SETD5: variants seen among roughly 807,000 people sequenced by gnomAD.
SETD5 encodes the protein SET domain containing 5.
A neutral mutation model predicts 153.3 loss-of-function variants in SETD5; 44 were observed. The ratio of observed to expected loss-of-function variants is 0.29; its 90% CI spans 0.23 to 0.37. SETD5 has a LOEUF of 0.37. Ranked by LOEUF, SETD5 falls within the 10% of genes least tolerant of loss-of-function variation. The probability of loss-of-function intolerance (pLI) is 1.00; values close to 1 mark genes in which losing one functional copy is unlikely to be tolerated. For missense variants in SETD5, 1,544 were observed against 1,768.0 expected, an observed-to-expected ratio of 0.87 and a Z score of 2.27; for synonymous variants, 716 against 645.2, an observed-to-expected ratio of 1.11 and a Z score of -1.66.
At chr3:9,450,126 T>C (rs1017545364) in intron 16 of SETD5, among the ~76,000 whole-genome samples, 2 of 152,238 alleles carry the variant, frequency 1.3e-5, no homozygotes, top group Non-Finnish European at 1.5e-5. Flanking sequence ...TCTAGGACTG[T>C]AACTTCAGAT....
chr3:9,475,994 C>T lies in SETD5; in HGVS notation c.4232C>T (p.Ser1411Leu). 1 of 1,614,024 alleles carries T rather than the reference C, an allele frequency of 6.2e-7. No homozygotes were observed. Among genetic ancestry groups the T allele is most frequent in the South Asian group, 1.1e-5 (1 of 91,086 alleles). Residue 1411 changes from serine to leucine, a missense_variant, in exon 23 of 23, where the codon TCA becomes TTA. Transcript: ENST00000402198. ...QASRVSAVSN[S>L]QHYPHRGSGG... Reference sequence around the variant, plus strand: ...TCCAGGGTATCTGCGGTTTCCAATTCACAGCACTACCCACACCGTGGGAGT... The same window carrying T: ...TCCAGGGTATCTGCGGTTTCCAATTTACAGCACTACCCACACCGTGGGAGT...
chr3:9,448,042 G>T (rs1391594190), intron 15 of SETD5, 36 bp downstream of exon 15: 2 of 1,577,758 alleles, frequency 1.3e-6, no homozygotes, highest in Non-Finnish European at 1.7e-6. Context: ...AGTCCAGTCT[G>T]GCAAGGGCTG....
At position 9,475,966 on chromosome 3, in the gene SETD5, G is replaced by A. The variant is rs761930777; in HGVS notation, c.4204G>A (p.Ala1402Thr). The A allele has an allele frequency of 1.4e-5, 22 of 1,613,866 alleles. No homozygotes were observed. The highest frequency in any genetic ancestry group is 1.9e-5 in the Non-Finnish European group (22 of 1,179,896). ...TGCTGGGCAGTCAGCTGTCTACCAG[G>A]CCTCCAGGGTATCTGCGGTTTCCAA... ...PSAGQSAVYQASRVSAVSNSQ... is the reference protein window; with the variant it reads ...PSAGQSAVYQTSRVSAVSNSQ... Residue 1402 changes from alanine to threonine, a missense_variant, in exon 23 of 23, where the codon GCC becomes ACC. Ala to Thr is a moderately conservative substitution (Grantham distance 58). Coordinates refer to ENST00000402198, the MANE Select transcript of SETD5 (RefSeq NM_001080517.3).
At position 9,475,903 on chromosome 3, in the gene SETD5, T is replaced by C. The variant is rs2045808713; in HGVS notation, c.4141T>C (p.Ser1381Pro). Residue 1381 changes from serine (S) to proline (P), a missense_variant, in exon 23 of 23, where the codon TCA (serine) becomes CCA (proline). Around this residue, in one of 9 missense-constraint regions of SETD5, gnomAD observed 302 missense variants for 277.6 expected, o/e 1.09. Coordinates refer to ENST00000402198, the MANE Select transcript of SETD5 (RefSeq NM_001080517.3). ...STSFPQNSRS[S>P]LPSDLRTISL... ...CTCCTTTCCTCAGAACTCTAGGTCG[T>C]CATTGCCATCAGACTTACGGACTAT... 2 of 1,614,006 alleles carry C rather than the reference T, an allele frequency of 1.2e-6. No homozygotes were observed. Among genetic ancestry groups the C allele is most frequent in the Non-Finnish European group, 1.7e-6 (2 of 1,179,890 alleles).
At chr3:9,408,665 C>T (rs2036095799) in intron 1 of SETD5, among the ~76,000 whole-genome samples, 1 of 152,102 alleles carries the variant, frequency 6.6e-6, no homozygotes, top group South Asian at 2.1e-4. Flanking sequence ...AGATTGTAAG[C>T]ATATTTTATA....
chr3:9,422,726 C>G (rs930505817), intron 1 of SETD5, among the ~76,000 whole-genome samples: 2 of 152,166 alleles, frequency 1.3e-5, no homozygotes, highest in Non-Finnish European at 2.9e-5. Flanking sequence ...TTGTCAGACA[C>G]TGAAATTGAG....
At chr3:9,399,679 C>T (rs1575123378) in intron 1 of SETD5, among the ~76,000 whole-genome samples, 1 of 152,170 alleles carries the variant, frequency 6.6e-6, no homozygotes, top group African/African-American at 2.4e-5. Context: ...AATCTTCACT[C>T]CTAAACTGCT....
At chr3:9,443,267 T>C (rs1300271869) in intron 10 of SETD5, 41 bp from the exon 11 acceptor site, 1 of 1,429,572 alleles carries the variant, frequency 7.0e-7, no homozygotes, top group Admixed American at 2.0e-5. Context: ...GGAAAGTTCA[T>C]GGTCTTTATG....
chr3:9,456,976 AAAAG>A (rs752632987), intron 17 of SETD5, among the ~76,000 whole-genome samples: 119 of 151,714 alleles, frequency 7.8e-4, no homozygotes, highest in African/African-American at 1.7e-3. Flanking sequence ...CTCCGTCTCA[AAAAG>A]AAAGAAAGAA....
At chr3:9,407,660 A>G (rs922389283) in intron 1 of SETD5, among the ~76,000 whole-genome samples, 1 of 152,172 alleles carries the variant, frequency 6.6e-6, no homozygotes, top group Non-Finnish European at 1.5e-5. Flanking sequence ...GCAAATAGTT[A>G]CCCCCAAAGG....
chr3:9,443,838 G>A (rs943128061), intron 11 of SETD5, among the ~76,000 whole-genome samples: 5 of 152,184 alleles, frequency 3.3e-5, no homozygotes, highest in Non-Finnish European at 5.9e-5. Flanking sequence ...GGCTGAGGCG[G>A]GCGGATCACG....
At chr3:9,433,795 G>C (rs751085819) in intron 3 of SETD5, 50 bp from the exon 4 acceptor site, 1 of 1,558,014 alleles carries the variant, frequency 6.4e-7, no homozygotes, top group South Asian at 1.1e-5. Flanking sequence ...GTTAGTTTAA[G>C]GGAAGATTAG....
intron 10 of SETD5, 75 bp from the exon 11 acceptor site, chr3:9,443,231 GAA>G: frequency 9.6e-7 from 1 of 1,036,342 alleles, no homozygotes; most frequent in Non-Finnish European, 1.5e-6. Flanking sequence ...CAAATGGAGA[GAA>G]AGTATGGTTT....
chr3:9,462,602 G>GA (rs1424846986), intron 17 of SETD5, among the ~76,000 whole-genome samples: 4 of 141,006 alleles, frequency 2.8e-5, no homozygotes, highest in Non-Finnish European at 6.2e-5. Context: ...AAAAAAAAAA[G>GA]AAAAAAAGAA....
At chr3:9,401,618 C>T (rs928789860) in intron 1 of SETD5, among the ~76,000 whole-genome samples, 1 of 152,130 alleles carries the variant, frequency 6.6e-6, no homozygotes, top group African/African-American at 2.4e-5. Flanking sequence ...ATTACTTTTG[C>T]TTTATCCTCT....
At chr3:9,473,623 TATGGGAACACTTG>T in intron 20 of SETD5, 86 bp downstream of exon 20, 1 of 1,345,410 alleles carries the variant, frequency 7.4e-7, no homozygotes, top group East Asian at 2.5e-5. Flanking sequence ...ACCTAAAATC[TATGGGAACACTTG>T]ATGGGAACAT....
chr3:9,417,917 G>A (rs930696226), intron 1 of SETD5, among the ~76,000 whole-genome samples: 1 of 150,522 alleles, frequency 6.6e-6, no homozygotes, highest in African/African-American at 2.4e-5. Context: ...AACTTCTGAG[G>A]CAGAACTGCT....
Position 9,448,576 on chromosome 3 carries a change from T to C in SETD5, c.2292T>C (p.Pro764=). ...HYIRFGSPFI[P]ERRRRPLLPD... is the part of the protein sequence containing the mutation. ...TTCGCTTTGGCTCACCCTTTATCCC[T>C]GAGAGACGTCGAAGGCCCCTTCTGC... The change falls in exon 16 of 23, where the codon CCT becomes CCC. Residue 764 remains proline, a synonymous_variant. Transcript: ENST00000402198. 6.2e-7 allele frequency: 1 copy of C among 1,611,844 alleles called. No homozygotes were observed. The highest frequency in any genetic ancestry group is 8.5e-7 in the Non-Finnish European group (1 of 1,178,378).
intron 13 of SETD5, among the ~76,000 whole-genome samples, chr3:9,446,193 A>C (rs2125254981): frequency 6.9e-6 from 1 of 145,880 alleles, no homozygotes; most frequent in East Asian, 2.1e-4. Flanking sequence ...AGGCTAAGGC[A>C]GGAGAATGGC....
Sources: gnomAD v4.1 joint callset for allele counts (sites outside exome capture counted in the v4.1 genomes callset) on GRCh38, gnomAD v4.1.1 for gene constraint, gnomAD v4.1.1 regional missense constraint, MANE v1.5 for transcripts, NCBI Gene and HGNC (gene_info 2026-07-23, HGNC 2026-07-21) for gene names.